PLD1: variants seen among roughly 807,000 people sequenced by gnomAD.
PLD1 encodes the protein choline phosphatase 1.
A neutral mutation model predicts 137.1 loss-of-function variants in PLD1; 112 were observed. The observed-to-expected ratio is 0.82, with a 90% CI of 0.70 to 0.96. PLD1 has a LOEUF of 0.96. Among genes scored for constraint, PLD1 ranks in the 40% least tolerant of loss-of-function variants. The pLI, the probability that PLD1 is intolerant of heterozygous loss-of-function variation, is 0.00. For missense variants in PLD1, 1,321 were observed against 1,342.0 expected, an observed-to-expected ratio of 0.98 and a Z score of 0.24; for synonymous variants, 431 against 454.7, an observed-to-expected ratio of 0.95 and a Z score of 0.66.
rs756771186 is a variant in PLD1, at chr3:171,737,527, C to G, written c.288+5G>C. On this transcript the variant is annotated splice_donor_5th_base_variant and intron_variant, in intron 3 of 26. Coordinates refer to ENST00000351298, the MANE Select transcript of PLD1 (RefSeq NM_002662.5). ...AAAAAAGGGTGAGTCCATAAACGCT[C>G]TGACCCTTGTTGTAGATGTGAAGCG... 3.7e-6 allele frequency: 6 copies of G among 1,602,818 alleles called. No individual in the cohort carries two copies. Among genetic ancestry groups the G allele is most frequent in the Admixed American group, 1.8e-5 (1 of 56,718 alleles).
At chr3:171,785,887 A>G (rs1722994595) in intron 1 of PLD1, among the ~76,000 whole-genome samples, 2 of 152,180 alleles carry the variant, frequency 1.3e-5, no homozygotes, top group African/African-American at 4.8e-5. Context: ...TCAGCCCTGT[A>G]CTCTCTACAG....
chr3:171,719,020 C>A (rs1258872824), intron 8 of PLD1, among the ~76,000 whole-genome samples: 6 of 152,188 alleles, frequency 3.9e-5, no homozygotes, highest in Non-Finnish European at 8.8e-5. Flanking sequence ...CAGCCCTCCC[C>A]TTCTCAGCCT....
Position 171,787,202 on chromosome 3 carries a change from C to A in PLD1, c.-32+23197G>T, listed in dbSNP as rs79210705. On this transcript the variant is annotated intron_variant, in intron 1 of 26. Coordinates refer to ENST00000351298, the MANE Select transcript of PLD1 (RefSeq NM_002662.5). ...CCTCTGGGCCCCTCTGTCTCTCAGGCTACATGCCTGTGCTGAAGTACCAAC... is the reference window on the plus strand; with the variant it reads ...CCTCTGGGCCCCTCTGTCTCTCAGGATACATGCCTGTGCTGAAGTACCAAC... Among the ~76,000 whole-genome samples, 64 of 152,256 alleles carry A rather than the reference C, an allele frequency of 4.2e-4. 1 individual carries two copies. Among genetic ancestry groups the A allele is most frequent in the African/African-American group, 1.3e-3 (56 of 41,542 alleles).
Position 171,603,106 on chromosome 3 carries a change from G to T in PLD1, c.3197C>A (p.Ala1066Asp), listed in dbSNP as rs570930487. Residue 1066 changes from alanine (A) to aspartate (D), a missense_variant, in exon 27 of 27, where the codon GCC becomes GAC. By Grantham distance (126) the Ala-to-Asp change is moderately radical (BLOSUM62 -2). Coordinates refer to ENST00000351298, the MANE Select transcript of PLD1 (RefSeq NM_002662.5). ...AGTCCAAACCTCCATGGGCACTATG[G>T]CCTCTTTGGTCCCAACAGAAGGCAG... ...SLLPSVGTKE[A>D]IVPMEVWT 6.2e-7 allele frequency: 1 copy of T among 1,613,802 alleles called. No homozygotes were observed. The highest frequency in any genetic ancestry group is 8.5e-7 in the Non-Finnish European group (1 of 1,179,880).
intron 1 of PLD1, among the ~76,000 whole-genome samples, chr3:171,774,197 G>A (rs182793968): frequency 1.3e-5 from 2 of 152,206 alleles, no homozygotes; most frequent in African/African-American, 2.4e-5. Context: ...TCCTGAGTGC[G>A]TACCACTTAA....
At chr3:171,748,373 A>T (rs1233313086) in intron 1 of PLD1, among the ~76,000 whole-genome samples, 1 of 152,298 alleles carries the variant, frequency 6.6e-6, no homozygotes, top group Non-Finnish European at 1.5e-5. Flanking sequence ...ACATCCTTGG[A>T]TGTTAAATGA....
At chr3:171,619,639 G>T (rs981854661) in intron 24 of PLD1, among the ~76,000 whole-genome samples, 1 of 152,118 alleles carries the variant, frequency 6.6e-6, no homozygotes, top group Non-Finnish European at 1.5e-5. Context: ...TTCTGATTTC[G>T]ACTTTTGTAC....
intron 19 of PLD1, among the ~76,000 whole-genome samples, chr3:171,672,638 C>T (rs937574977): frequency 1.3e-5 from 2 of 151,922 alleles, no homozygotes; most frequent in Admixed American, 1.3e-4. Context: ...CAAGCATGTG[C>T]CACCATGCCT....
chr3:171,605,557 T>A lies in PLD1; in HGVS notation c.2883-141A>T, dbSNP rs895915088. The A allele has an allele frequency of 9.6e-6, 6 of 628,240 alleles. No individual in the cohort carries two copies. The Admixed American group carries it at 1.6e-4, about 17-fold the overall frequency. The allele number at this position is 628,240 out of a possible 1,614,324, so 38.9% of individuals were successfully genotyped here. On this transcript the variant is annotated intron_variant, in intron 25 of 26. Transcript: ENST00000351298. ...AGACCATGACCTAGCTACTCTCATATCCTCAGAGTGCCTGACATAAAAGAA... is the reference window on the plus strand; with the variant it reads ...AGACCATGACCTAGCTACTCTCATAACCTCAGAGTGCCTGACATAAAAGAA...
intron 6 of PLD1, among the ~76,000 whole-genome samples, chr3:171,731,040 G>C (rs1718903356): frequency 6.6e-6 from 1 of 151,992 alleles, no homozygotes; most frequent in South Asian, 2.1e-4. Context: ...AGAATCACTT[G>C]AGCTATTTGT....
At chr3:171,782,795 AAGAGG>A (rs1435015858) in intron 1 of PLD1, among the ~76,000 whole-genome samples, 1 of 152,226 alleles carries the variant, frequency 6.6e-6, no homozygotes, top group East Asian at 1.9e-4. Context: ...ATGAAGAATT[AAGAGG>A]AGGTATTTGT....
At chr3:171,775,791 A>G (rs1221276293) in intron 1 of PLD1, among the ~76,000 whole-genome samples, 1 of 152,120 alleles carries the variant, frequency 6.6e-6, no homozygotes, top group Non-Finnish European at 1.5e-5. Flanking sequence ...TGCAGTGAGC[A>G]GAGACTATGC....
At chr3:171,705,071 G>T (rs1264379227) in intron 11 of PLD1, among the ~76,000 whole-genome samples, 2 of 152,206 alleles carry the variant, frequency 1.3e-5, no homozygotes, top group Non-Finnish European at 2.9e-5. Context: ...CTCACCTCCT[G>T]TTGCATGGCC....
chr3:171,691,638 G>A (rs928495805), intron 13 of PLD1, among the ~76,000 whole-genome samples: 2 of 151,950 alleles, frequency 1.3e-5, no homozygotes, highest in African/African-American at 4.8e-5. Flanking sequence ...ATCTTTAGTG[G>A]GTACTTGATA....
chr3:171,620,283 GT>G (rs1414224137), intron 24 of PLD1, 102 bp downstream of exon 24: 1 of 761,196 alleles, frequency 1.3e-6, no homozygotes, highest in Non-Finnish European at 2.1e-6. Flanking sequence ...GTTACTGTCT[GT>G]TTCAAATGCA....
intron 8 of PLD1, among the ~76,000 whole-genome samples, chr3:171,722,762 T>C (rs6763711): frequency 0.36 from 54,611 of 151,686 alleles, 10,895 homozygotes; most frequent in African/African-American, 0.52. Context: ...ATTGACAGAG[T>C]TGTGCAACCG....
chr3:171,807,085 T>C (rs1578492253), intron 1 of PLD1, among the ~76,000 whole-genome samples: 1 of 152,148 alleles, frequency 6.6e-6, no homozygotes, highest in Non-Finnish European at 1.5e-5. Context: ...AGTAGGAGGA[T>C]TGCGGGAGCC....
intron 20 of PLD1, 98 bp from the exon 21 acceptor site, chr3:171,659,399 G>T: frequency 2.4e-6 from 2 of 827,538 alleles, no homozygotes. Flanking sequence ...GTTTCACACA[G>T]CAGATGTGTT....
chr3:171,624,571 T>A (rs1056327448), intron 23 of PLD1, among the ~76,000 whole-genome samples: 2 of 151,984 alleles, frequency 1.3e-5, no homozygotes, highest in African/African-American at 2.4e-5. Context: ...GTATATATAT[T>A]AATATATACA....
Sources: gnomAD v4.1 joint callset for allele counts (sites outside exome capture counted in the v4.1 genomes callset) on GRCh38, gnomAD v4.1.1 for gene constraint, MANE v1.5 for transcripts, NCBI Gene and HGNC (gene_info 2026-07-23, HGNC 2026-07-21) for gene names.